NOP58: variants seen among roughly 807,000 people sequenced by gnomAD.
NOP58 encodes the protein nucleolar protein 58.
In NOP58, 44 loss-of-function variants were observed where a neutral mutation model predicts 71.2. The ratio of observed to expected loss-of-function variants is 0.62; its 90% CI spans 0.49 to 0.79. NOP58 has a LOEUF of 0.79. NOP58 is among the 30% of genes least tolerant of loss of function. NOP58 has a pLI of 0.00. For missense variants in NOP58, 538 were observed against 620.2 expected, an observed-to-expected ratio of 0.87 and a Z score of 1.41; for synonymous variants, 228 against 200.3, an observed-to-expected ratio of 1.14 and a Z score of -1.17.
chr2:202,274,671 A>G (rs913435937), intron 1 of NOP58, among the ~76,000 whole-genome samples: 3 of 152,066 alleles, frequency 2.0e-5, no homozygotes, highest in Admixed American at 1.3e-4. Context: ...CCGAGGCACT[A>G]GAATCTCATA....
chr2:202,280,226 C>G (rs1357716016), intron 3 of NOP58, among the ~76,000 whole-genome samples: 2 of 152,084 alleles, frequency 1.3e-5, no homozygotes, highest in African/African-American at 2.4e-5. Flanking sequence ...TGAGACCAGG[C>G]ACAGTGACTA....
intron 5 of NOP58, among the ~76,000 whole-genome samples, chr2:202,287,163 C>T (rs139362532): frequency 0.032 from 4,790 of 150,914 alleles, 231 homozygotes; most frequent in African/African-American, 0.11. Flanking sequence ...TCTGCCTCCC[C>T]GGTTCAAGCG....
chr2:202,281,137 CTTTTTTTTTTTTT>C (rs1246734220), intron 3 of NOP58, among the ~76,000 whole-genome samples: 1 of 142,346 alleles, frequency 7.0e-6, no homozygotes, highest in Non-Finnish European at 1.5e-5. Context: ...TTTTCTTTTT[CTTTTTTTTTTTTT>C]AGATGGAGTT....
intron 4 of NOP58, 66 bp from the exon 5 acceptor site, chr2:202,284,276 AAAT>A (rs956835519): frequency 1.3e-5 from 17 of 1,352,574 alleles, no homozygotes; most frequent in African/African-American, 4.4e-5. Flanking sequence ...GTGTCTCAAA[AAAT>A]AATAATAACA....
Position 202,282,469 on chromosome 2 carries a change from A to G in NOP58, c.294A>G (p.Ile98Met). 2 of 1,608,348 alleles carry G rather than the reference A, an allele frequency of 1.2e-6. No homozygotes were observed. The highest frequency in any genetic ancestry group is 1.7e-6 in the Non-Finnish European group (2 of 1,178,784). Residue 98 changes from isoleucine (I) to methionine (M), a missense_variant, in exon 4 of 15, where the codon ATA becomes ATG. Ile to Met is a conservative substitution (Grantham distance 10, BLOSUM62 1). Transcript: ENST00000264279. ...AVADAKLGGV[I>M]KEKLNLSCIH... is the part of the protein sequence containing the mutation. ...CTGATGCTAAACTAGGAGGGGTCAT[A>G]AAGGTAAAGTCACGATATTTTTGGT...
Position 202,287,661 on chromosome 2 carries a change from C to T in NOP58, c.436C>T (p.Leu146=), listed in dbSNP as rs1192760234. 1 of 1,610,746 alleles carries T rather than the reference C, an allele frequency of 6.2e-7. No individual in the cohort carries two copies. Among genetic ancestry groups the T allele is most frequent in the Non-Finnish European group, 8.5e-7 (1 of 1,177,100 alleles). Residue 146 remains leucine, a splice_region_variant and synonymous_variant, in exon 6 of 15, where the codon CTG becomes TTG. Transcript: ENST00000264279. ...ATTTATTTTCCCCTTTCTTCCCAGCCTGTCTCGATATAGATTGAAGTTTAG... is the reference window on the plus strand; with the variant it reads ...ATTTATTTTCCCCTTTCTTCCCAGCTTGTCTCGATATAGATTGAAGTTTAG... ...AAMCLGLAHS[L]SRYRLKFSAD...
At chr2:202,278,860 C>A (rs1473381394) in intron 3 of NOP58, among the ~76,000 whole-genome samples, 1 of 152,070 alleles carries the variant, frequency 6.6e-6, no homozygotes, top group Non-Finnish European at 1.5e-5. Context: ...AATTTGGAAT[C>A]CAACTAAACA....
intron 3 of NOP58, chr2:202,278,468 A>G (rs746186927): frequency 5.8e-6 from 2 of 342,424 alleles, no homozygotes; most frequent in African/African-American, 2.2e-5. Flanking sequence ...TCAAAAAAAC[A>G]TATCAATATT....
intron 8 of NOP58, among the ~76,000 whole-genome samples, chr2:202,292,453 A>G (rs1351001196): frequency 6.6e-6 from 1 of 150,918 alleles, no homozygotes; most frequent in Non-Finnish European, 1.5e-5. Context: ...ACTGGCCAAC[A>G]TGGTGAAACC....
chr2:202,278,689 A>G (rs1245039700), intron 3 of NOP58, among the ~76,000 whole-genome samples: 1 of 152,180 alleles, frequency 6.6e-6, no homozygotes. Flanking sequence ...TAAATTTTCA[A>G]CTGCCTGAAT....
chr2:202,282,940 G>A (rs1169328618), intron 4 of NOP58, among the ~76,000 whole-genome samples: 1 of 152,168 alleles, frequency 6.6e-6, no homozygotes, highest in Non-Finnish European at 1.5e-5. Context: ...GCGGGGCGCG[G>A]TGGCTCACAC....
chr2:202,266,122 C>T (rs1688410678), intron 1 of NOP58, 136 bp downstream of exon 1: 2 of 960,102 alleles, frequency 2.1e-6, no homozygotes, highest in Non-Finnish European at 3.3e-6. Flanking sequence ...AGGGAGAAGG[C>T]CTTTACACCT....
chr2:202,301,034 T>A (rs1689082762), intron 13 of NOP58, among the ~76,000 whole-genome samples: 1 of 152,214 alleles, frequency 6.6e-6, no homozygotes, highest in African/African-American at 2.4e-5. Flanking sequence ...ACAATTTATT[T>A]AACTTTTATG....
intron 13 of NOP58, among the ~76,000 whole-genome samples, chr2:202,302,149 G>A (rs568500888): frequency 1.7e-3 from 245 of 141,358 alleles, no homozygotes; most frequent in African/African-American, 5.5e-3. Context: ...GTGCAGTGGC[G>A]TGATCTTGGC....
chr2:202,279,887 T>C (rs1229646266), intron 3 of NOP58, among the ~76,000 whole-genome samples: 1 of 152,272 alleles, frequency 6.6e-6, no homozygotes, highest in Non-Finnish European at 1.5e-5. Flanking sequence ...CTAAGCTCCA[T>C]GAGGGCAGAG....
At chr2:202,267,683 T>C (rs1688441016) in intron 1 of NOP58, among the ~76,000 whole-genome samples, 1 of 152,210 alleles carries the variant, frequency 6.6e-6, no homozygotes. Context: ...TACTGTCCTG[T>C]ACCGGATGTG....
At chr2:202,282,596 A>T in intron 4 of NOP58, 124 bp downstream of exon 4, 2 of 915,868 alleles carry the variant, frequency 2.2e-6, no homozygotes, top group Non-Finnish European at 3.2e-6. Context: ...CTTTTCTCTA[A>T]GCTACATGAT....
rs182171068 is a variant in NOP58, at chr2:202,297,858, G to A, written c.1220G>A (p.Ser407Asn). 3 of 1,577,586 alleles carry A rather than the reference G, an allele frequency of 1.9e-6. No individual in the cohort carries two copies. Among genetic ancestry groups the A allele is most frequent in the Admixed American group, 3.7e-5 (2 of 53,566 alleles). The change falls in exon 12 of 15, where the codon AGT becomes AAT. Residue 407 changes from serine to asparagine, a missense_variant. Transcript: ENST00000264279. ...TLEDRGIRKI[S>N]GTGKALAKTE... ...TTTTCTTCTTAGATAAGAAAAATAA[G>A]TGGAACAGGAAAAGCATTAGCAAAA...
At position 202,302,812 on chromosome 2, in the gene NOP58, T is replaced by C. The variant is rs1256243087; in HGVS notation, c.1403-109T>C. 12 of 1,402,380 alleles carry C rather than the reference T, an allele frequency of 8.6e-6. 1 individual carries two copies. In the Admixed American group the frequency reaches 1.2e-4, roughly 14 times the overall value. The allele number at this position is 1,402,380 out of a possible 1,614,324, so 86.9% of individuals were successfully genotyped here. A position where few individuals can be genotyped will look rare whatever the true frequency, so the allele number is the denominator to read the frequency against. On this transcript the variant is annotated intron_variant, in intron 13 of 14. Transcript: ENST00000264279. ...ATTATAAAATAAACAAAACAAACAT[T>C]GGGTAGTTGATGAGAATGACAGAAA...
Sources: allele counts gnomAD v4.1 joint callset (sites outside exome capture counted in the v4.1 genomes callset), GRCh38; gene constraint gnomAD v4.1.1; transcripts MANE v1.5; gene names NCBI Gene and HGNC (gene_info 2026-07-23, HGNC 2026-07-21).